Variants in MAP3K7 observed in about 807,000 individuals in gnomAD.
MAP3K7 encodes the protein TGF-beta activated kinase 1.
Under a neutral mutation model 84.8 loss-of-function variants are expected in MAP3K7, and 21 were observed. The observed-to-expected ratio is 0.25, with a 90% CI of 0.18 to 0.36. The LOEUF (loss-of-function observed/expected upper bound fraction) is 0.36. Ranked by LOEUF, MAP3K7 falls within the 10% of genes least tolerant of loss-of-function variation. The pLI, the probability that MAP3K7 is intolerant of heterozygous loss-of-function variation, is 1.00. For synonymous variants in MAP3K7, 241 were observed against 247.7 expected (o/e 0.97, Z 0.25); for missense variants, 503 against 747.7 (o/e 0.67, Z 3.82).
intron 13 of MAP3K7, among the ~76,000 whole-genome samples, chr6:90,526,766 GAAAATACC>G (rs1281765563): frequency 6.6e-6 from 1 of 151,860 alleles, no homozygotes; most frequent in East Asian, 1.9e-4. Context: ...ATACATTATA[GAAAATACC>G]AAGCACAGAG....
At position 90,552,065 on chromosome 6, in the gene MAP3K7, A is replaced by G; in HGVS notation, c.851T>C (p.Met284Thr). 1 of 1,610,850 alleles carries G rather than the reference A, an allele frequency of 6.2e-7. No individual in the cohort carries two copies. Among genetic ancestry groups the G allele is most frequent in the Non-Finnish European group, 8.5e-7 (1 of 1,177,460 alleles). Residue 284 changes from methionine to threonine, a missense_variant, in exon 8 of 17, where the codon ATG becomes ACG. Physicochemically the swap from Met to Thr is moderately conservative, Grantham distance 81 (BLOSUM62 -1). Around this residue, in one of 5 missense-constraint regions of MAP3K7, gnomAD observed 286 missense variants for 313.6 expected, o/e 0.91. Transcript: ENST00000369329. ...GGATTATACCCGCATCAAGTGAGTC[A>G]TTATTTTCACAATTTCCTCCATTGA... ...RPSMEEIVKIMTHLMRYFPGA... is the reference protein window; with the variant it reads ...RPSMEEIVKITTHLMRYFPGA...
chr6:90,573,367 A>G (rs750745009), intron 1 of MAP3K7, among the ~76,000 whole-genome samples: 8 of 152,232 alleles, frequency 5.3e-5, no homozygotes, highest in African/African-American at 1.9e-4. Flanking sequence ...GGTTGATCAA[A>G]TGAGTTATTA....
intron 13 of MAP3K7, among the ~76,000 whole-genome samples, chr6:90,531,335 A>G (rs909025957): frequency 6.6e-6 from 1 of 152,220 alleles, no homozygotes; most frequent in Non-Finnish European, 1.5e-5. Flanking sequence ...GCTATTTAAT[A>G]CCCTCAGAAA....
chr6:90,547,374 C>A lies in MAP3K7; in HGVS notation c.1094G>T (p.Arg365Leu), dbSNP rs772019658. The change falls in exon 11 of 17, where the codon CGT becomes CTT. Residue 365 changes from arginine to leucine, a missense_variant. Physicochemically the swap from Arg to Leu is moderately radical, Grantham distance 102. Transcript: ENST00000369329. ...CCCACGGGAGGCTCCCAAGCTTAAA[C>A]GTCCAGATTCACTCTGTTAAAATTA... ...NQAKQQSESG[R>L]LSLGASRGSS... 3.1e-6 allele frequency: 5 copies of A among 1,610,658 alleles called. No individual in the cohort carries two copies. Among genetic ancestry groups the A allele is most frequent in the Non-Finnish European group, 4.2e-6 (5 of 1,178,776 alleles).
Position 90,562,458 on chromosome 6 carries a change from A to G in MAP3K7, c.298-791T>C, listed in dbSNP as rs113866159. On this transcript the variant is annotated intron_variant, in intron 3 of 16. Coordinates refer to ENST00000369329, the MANE Select transcript of MAP3K7 (RefSeq NM_145331.3). The stretch of plus-strand genomic sequence containing the variant: ...ACCTGGCTCGGAGGGTCCCATGCCC[A>G]CGGTGCCTCACTCACTGCTAGCACA... 2.2e-3 allele frequency among the ~76,000 whole-genome samples: 335 copies of G among 152,310 alleles called. 1 individual carries two copies. Among genetic ancestry groups the G allele is most frequent in the African/African-American group, 7.6e-3 (314 of 41,586 alleles).
chr6:90,556,689 A>C, intron 5 of MAP3K7, 65 bp from the exon 6 acceptor site: 1 of 1,475,246 alleles, frequency 6.8e-7, no homozygotes, highest in Non-Finnish European at 9.1e-7. Flanking sequence ...ACAATAAAAG[A>C]AGAGACATTT....
chr6:90,576,670 T>C (rs1437094324), intron 1 of MAP3K7, among the ~76,000 whole-genome samples: 2 of 151,688 alleles, frequency 1.3e-5, no homozygotes, highest in African/African-American at 2.4e-5. Flanking sequence ...AGGAAGGGAG[T>C]TGTGTGCTAA....
chr6:90,564,631 A>C (rs982831032), intron 3 of MAP3K7, among the ~76,000 whole-genome samples: 1 of 152,220 alleles, frequency 6.6e-6, no homozygotes, highest in African/African-American at 2.4e-5. Context: ...GGAGGCTTTA[A>C]CACCCCACTG....
Position 90,552,048 on chromosome 6 carries a change from C to T in MAP3K7, c.867+1G>A. On this transcript the variant is annotated splice_donor_variant, in intron 8 of 16. Transcript: ENST00000369329. LOFTEE classifies it high-confidence loss of function. ...AAAGCCCCTCAAAAGAAGGATTATA[C>T]CCGCATCAAGTGAGTCATTATTTTC... The T allele has an allele frequency of 6.2e-7, 1 of 1,607,500 alleles. No individual in the cohort carries two copies. Among genetic ancestry groups the T allele is most frequent in the Non-Finnish European group, 8.5e-7 (1 of 1,174,898 alleles).
At chr6:90,534,736 A>G (rs183355506) in intron 13 of MAP3K7, among the ~76,000 whole-genome samples, 1 of 152,316 alleles carries the variant, frequency 6.6e-6, no homozygotes, top group East Asian at 1.9e-4. Context: ...TCTAGAGTCT[A>G]CAGAAAAGCT....
At chr6:90,575,582 GCTAA>G (rs1357530915) in intron 1 of MAP3K7, among the ~76,000 whole-genome samples, 1 of 152,234 alleles carries the variant, frequency 6.6e-6, no homozygotes, top group East Asian at 1.9e-4. Context: ...CAAAAAGCAA[GCTAA>G]CTGAGAAGTA....
At chr6:90,568,347 A>G (rs756883398) in intron 3 of MAP3K7, among the ~76,000 whole-genome samples, 11 of 152,212 alleles carry the variant, frequency 7.2e-5, no homozygotes, top group Admixed American at 2.0e-4. Flanking sequence ...TTGTGCGTGT[A>G]TAATAGCCAC....
At chr6:90,529,124 T>C (rs1412447908) in intron 13 of MAP3K7, among the ~76,000 whole-genome samples, 2 of 152,188 alleles carry the variant, frequency 1.3e-5, no homozygotes, top group Non-Finnish European at 2.9e-5. Flanking sequence ...CGTTTACTGA[T>C]TGTTACTGAA....
At chr6:90,545,890 G>C (rs1350649021) in intron 11 of MAP3K7, among the ~76,000 whole-genome samples, 1 of 152,146 alleles carries the variant, frequency 6.6e-6, no homozygotes, top group Non-Finnish European at 1.5e-5. Flanking sequence ...ATCTGGGAAT[G>C]TTCCTTCAAA....
At chr6:90,564,331 G>C (rs533835955) in intron 3 of MAP3K7, among the ~76,000 whole-genome samples, 1 of 152,006 alleles carries the variant, frequency 6.6e-6, no homozygotes, top group African/African-American at 2.4e-5. Context: ...CTCATCTCAC[G>C]GGCAGAGACA....
chr6:90,543,659 C>T (rs950268756), intron 12 of MAP3K7, among the ~76,000 whole-genome samples: 1 of 152,030 alleles, frequency 6.6e-6, no homozygotes, highest in African/African-American at 2.4e-5. Context: ...CAAAGGACAG[C>T]ATGCTGAAGA....
chr6:90,566,871 A>G lies in MAP3K7; in HGVS notation c.297+1687T>C, dbSNP rs547080453. On this transcript the variant is annotated intron_variant, in intron 3 of 16. Transcript: ENST00000369329. ...TACTGGTACCAAAACAGAGATATAG[A>G]CCAATGGAACAGAACAGAGCCCTCA... Among the ~76,000 whole-genome samples the G allele has an allele frequency of 1.6e-4, 25 of 152,272 alleles. No homozygotes were observed. The East Asian group carries it at 4.6e-3, about 28-fold the overall frequency.
At chr6:90,550,118 G>A (rs1389908811) in intron 9 of MAP3K7, among the ~76,000 whole-genome samples, 1 of 152,062 alleles carries the variant, frequency 6.6e-6, no homozygotes, top group African/African-American at 2.4e-5. Flanking sequence ...TCGTGATGAA[G>A]AAATGTTTAA....
chr6:90,540,663 C>T (rs1274872014), intron 12 of MAP3K7, among the ~76,000 whole-genome samples: 2 of 151,790 alleles, frequency 1.3e-5, no homozygotes, highest in East Asian at 3.9e-4. Flanking sequence ...ATTATAATTA[C>T]AGTTTATTTC....
Sources: allele counts gnomAD v4.1 joint callset (sites outside exome capture counted in the v4.1 genomes callset), GRCh38; gene constraint gnomAD v4.1.1; regional missense constraint gnomAD v4.1.1; transcripts MANE v1.5; gene names NCBI Gene and HGNC (gene_info 2026-07-23, HGNC 2026-07-21).